AFG2A: variants seen among roughly 807,000 people sequenced by gnomAD.
The protein encoded by AFG2A is AAA ATPase AFG2A, also known as ATPase family gene 2 protein homolog A.
At chr4:123,175,734 C>A in the AFG2A span, among the ~76,000 whole-genome samples, 2 of 152,160 alleles carry the variant, frequency 1.3e-5, no homozygotes, top group East Asian at 1.9e-4. Flanking sequence ...GGGTTGAGGA[C>A]AACTTAAGTG....
chr4:123,212,467 A>G, the AFG2A span, among the ~76,000 whole-genome samples: 1 of 152,190 alleles, frequency 6.6e-6, no homozygotes, highest in Non-Finnish European at 1.5e-5. Flanking sequence ...GCTACCCTCA[A>G]AAGATAATAA....
chr4:123,287,216 A>T, the AFG2A span, among the ~76,000 whole-genome samples: 1 of 152,218 alleles, frequency 6.6e-6, no homozygotes, highest in African/African-American at 2.4e-5. Flanking sequence ...AGCTTTATTT[A>T]ACATTCCACT....
At chr4:123,192,483 T>G in the AFG2A span, among the ~76,000 whole-genome samples, 62 of 152,352 alleles carry the variant, frequency 4.1e-4, 1 homozygote, top group South Asian at 1.5e-3. Context: ...TAGCTACATT[T>G]AACTGTTTAA....
chr4:123,113,774 G>A, the AFG2A span, among the ~76,000 whole-genome samples: 6 of 152,152 alleles, frequency 3.9e-5, no homozygotes, highest in African/African-American at 1.4e-4. Context: ...CATCTAGGAA[G>A]AATGAGGTAC....
At chr4:123,301,531 A>T in the AFG2A span, among the ~76,000 whole-genome samples, 1 of 152,232 alleles carries the variant, frequency 6.6e-6, no homozygotes, top group South Asian at 2.1e-4. Context: ...ATTTATTTAT[A>T]TGCTAGATGG....
chr4:122,980,321 T>G, the AFG2A span, among the ~76,000 whole-genome samples: 1 of 152,220 alleles, frequency 6.6e-6, no homozygotes, highest in South Asian at 2.1e-4. Flanking sequence ...TGACAGTATT[T>G]TCTTCTTTTT....
At chr4:123,028,285 G>C in the AFG2A span, 3 of 1,614,084 alleles carry the variant, frequency 1.9e-6, no homozygotes. Flanking sequence ...CATTCGAATG[G>C]GTATTCAGCC....
the AFG2A span, among the ~76,000 whole-genome samples, chr4:122,992,619 G>A: frequency 6.6e-6 from 1 of 152,154 alleles, no homozygotes; most frequent in Non-Finnish European, 1.5e-5. Context: ...TTTCAGAAAA[G>A]ATTTTAGTGC....
chr4:123,196,211 A>G, the AFG2A span, among the ~76,000 whole-genome samples: 58 of 111,422 alleles, frequency 5.2e-4, no homozygotes, highest in Admixed American at 6.1e-4. Context: ...GAGTTTCACC[A>G]TGTGAGCCAG....
At chr4:123,295,575 C>T in the AFG2A span, among the ~76,000 whole-genome samples, 1 of 152,222 alleles carries the variant, frequency 6.6e-6, no homozygotes, top group Non-Finnish European at 1.5e-5. Context: ...AAAGACAAAG[C>T]AGAGCCAGAC....
At chr4:122,929,570 G>A in the AFG2A span, among the ~76,000 whole-genome samples, 1 of 152,050 alleles carries the variant, frequency 6.6e-6, no homozygotes, top group South Asian at 2.1e-4. Context: ...ATGGTGGTGT[G>A]TACCTGTAGT....
At chr4:122,991,189 A>G in the AFG2A span, among the ~76,000 whole-genome samples, 2 of 152,178 alleles carry the variant, frequency 1.3e-5, no homozygotes, top group African/African-American at 4.8e-5. Flanking sequence ...TACTCCTATG[A>G]TAAAAGAAAT....
chr4:123,122,781 G>GTT, the AFG2A span, among the ~76,000 whole-genome samples: 4 of 132,232 alleles, frequency 3.0e-5, no homozygotes, highest in South Asian at 2.4e-4. Flanking sequence ...CTGTTTTTTT[G>GTT]TTTTTTTTTT....
At chr4:123,252,306 G>C in the AFG2A span, among the ~76,000 whole-genome samples, 1 of 152,242 alleles carries the variant, frequency 6.6e-6, no homozygotes, top group East Asian at 1.9e-4. Context: ...GGAACTCTAA[G>C]TATGAACATG....
the AFG2A span, among the ~76,000 whole-genome samples, chr4:123,301,219 A>G: frequency 0.51 from 78,158 of 152,076 alleles, 24,665 homozygotes; most frequent in Non-Finnish European, 0.67. Context: ...CTAGATATCC[A>G]TAGACTCTCA....
the AFG2A span, chr4:122,979,118 C>T: frequency 4.5e-5 from 57 of 1,262,760 alleles, no homozygotes; most frequent in Non-Finnish European, 5.7e-5. Flanking sequence ...ACGCCTCCCC[C>T]ACTGCAGCCA....
At chr4:122,938,029 A>C in the AFG2A span, 1 of 1,191,326 alleles carries the variant, frequency 8.4e-7, no homozygotes, top group East Asian at 2.8e-5. Context: ...GTGAATTCTA[A>C]ATTTGATATG....
At chr4:123,041,770 C>T in the AFG2A span, among the ~76,000 whole-genome samples, 819 of 152,044 alleles carry the variant, frequency 5.4e-3, 7 homozygotes, top group African/African-American at 0.018. Flanking sequence ...TTAGGTGATC[C>T]GCCCACCTCA....
At chr4:123,256,058 C>A in the AFG2A span, 1 of 1,614,020 alleles carries the variant, frequency 6.2e-7, no homozygotes, top group South Asian at 1.1e-5. Context: ...CATCTATGTG[C>A]CTTTACCGGA....
Sources: gnomAD v4.1 joint callset for allele counts (sites outside exome capture counted in the v4.1 genomes callset) on GRCh38, gnomAD v4.1.1 for gene constraint, MANE v1.5 for transcripts, NCBI Gene and HGNC (gene_info 2026-07-23, HGNC 2026-07-21) for gene names.